The following PRH1 variants were observed in gnomAD, a reference collection of about 807,000 sequenced individuals.
The protein encoded by PRH1 is salivary acidic proline-rich phosphoprotein 1/2.
Under a neutral mutation model 7.9 loss-of-function variants are expected in PRH1, and 7 were observed. The ratio of observed to expected loss-of-function variants is 0.89; its 90% confidence interval spans 0.50 to 1.67. PRH1 has a LOEUF of 1.67. Ranked by LOEUF, PRH1 falls within the 40% of genes most tolerant of loss-of-function variation. The pLI, the probability that PRH1 is intolerant of heterozygous loss-of-function variation, is 0.00. For missense variants in PRH1, 109 were observed against 223.6 expected, an observed-to-expected ratio of 0.49 and a Z score of 3.27; for synonymous variants, 45 against 80.8, an observed-to-expected ratio of 0.56 and a Z score of 2.38.
intron 2 of PRH1, among the ~76,000 whole-genome samples, chr12:10,962,832 C>G (rs1401834165): frequency 6.6e-6 from 1 of 152,184 alleles, no homozygotes; most frequent in Non-Finnish European, 1.5e-5. Context: ...TGCAGTGGCG[C>G]GATCTCGGCT....
chr12:10,980,081 C>A (rs1246259302), intron 1 of PRH1, among the ~76,000 whole-genome samples: 1 of 152,112 alleles, frequency 6.6e-6, no homozygotes, highest in East Asian at 1.9e-4. Flanking sequence ...CATCAGCACA[C>A]AGAAAGTAAG....
intron 2 of PRH1, among the ~76,000 whole-genome samples, chr12:10,955,234 T>C (rs1937894856): frequency 6.6e-6 from 1 of 152,078 alleles, no homozygotes; most frequent in Admixed American, 6.5e-5. Context: ...CCAACCACAT[T>C]CTTGGACCAC....
chr12:10,901,548 G>T (rs766348164), intron 2 of PRH1, among the ~76,000 whole-genome samples: 1 of 152,136 alleles, frequency 6.6e-6, no homozygotes, highest in Non-Finnish European at 1.5e-5. Context: ...TGAGCAGGGA[G>T]TTCACACCAC....
chr12:11,050,538 A>G (rs957105864), upstream of PRH1, among the ~76,000 whole-genome samples: 1 of 152,210 alleles, frequency 6.6e-6, no homozygotes, highest in African/African-American at 2.4e-5. Context: ...ATTTATGGCC[A>G]GTTTACTGGG....
At chr12:11,004,663 G>T (rs1258641159) in intron 1 of PRH1, among the ~76,000 whole-genome samples, 2 of 151,602 alleles carry the variant, frequency 1.3e-5, no homozygotes, top group Non-Finnish European at 2.9e-5. Flanking sequence ...ACATTTATTT[G>T]TTCATATTTC....
At chr12:10,908,675 A>G in intron 2 of PRH1, 1 of 1,613,920 alleles carries the variant, frequency 6.2e-7, no homozygotes, top group Non-Finnish European at 8.5e-7. Flanking sequence ...TTTTCTGGAG[A>G]TGTTTCTGCA....
intron 1 of PRH1, among the ~76,000 whole-genome samples, chr12:11,066,991 T>C (rs1366873309): frequency 4.6e-5 from 7 of 152,204 alleles, no homozygotes; most frequent in Admixed American, 4.6e-4. Context: ...AAAAATACTC[T>C]CTGCAATAAT....
chr12:11,165,033 A>C (rs1947529654), intron 1 of PRH1, among the ~76,000 whole-genome samples: 1 of 151,998 alleles, frequency 6.6e-6, no homozygotes, highest in Non-Finnish European at 1.5e-5. Flanking sequence ...CCTTTCTTTC[A>C]CTTGGTAGAA....
At chr12:10,951,060 T>G (rs1950562614) in intron 2 of PRH1, among the ~76,000 whole-genome samples, 1 of 152,184 alleles carries the variant, frequency 6.6e-6, no homozygotes. Flanking sequence ...TAGGGCATAC[T>G]AATGGATGAG....
At chr12:10,941,223 A>G (rs1213525660) in intron 2 of PRH1, among the ~76,000 whole-genome samples, 1 of 152,092 alleles carries the variant, frequency 6.6e-6, no homozygotes, top group Non-Finnish European at 1.5e-5. Context: ...AGCTACAATA[A>G]CCCCAGAGGG....
intron 2 of PRH1, among the ~76,000 whole-genome samples, chr12:10,924,274 A>G (rs202130027): frequency 6.6e-6 from 1 of 152,202 alleles, no homozygotes; most frequent in East Asian, 1.9e-4. Flanking sequence ...GGCGTGAGAC[A>G]CGGAGCCCAG....
intron 2 of PRH1, among the ~76,000 whole-genome samples, chr12:10,916,989 T>G (rs946514066): frequency 6.6e-6 from 1 of 152,132 alleles, no homozygotes; most frequent in Non-Finnish European, 1.5e-5. Context: ...GATGGAAGGA[T>G]TGCTTGAGCC....
At chr12:10,944,247 T>C (rs1950449764) in intron 2 of PRH1, among the ~76,000 whole-genome samples, 1 of 152,224 alleles carries the variant, frequency 6.6e-6, no homozygotes, top group Admixed American at 6.5e-5. Flanking sequence ...TCTTCTCTGA[T>C]CTTTTTGGGA....
chr12:10,979,824 G>A (rs1221165330), intron 1 of PRH1, among the ~76,000 whole-genome samples: 1 of 152,170 alleles, frequency 6.6e-6, no homozygotes, highest in Admixed American at 6.6e-5. Flanking sequence ...GATGAGATGT[G>A]AAGGAGAGAA....
intron 1 of PRH1, among the ~76,000 whole-genome samples, chr12:11,007,801 C>T (rs2136034440): frequency 6.6e-6 from 1 of 152,208 alleles, no homozygotes; most frequent in Admixed American, 6.6e-5. Context: ...TCACCCCCTC[C>T]AGATGTAGCC....
intron 1 of PRH1, among the ~76,000 whole-genome samples, chr12:11,156,201 C>G (rs905069339): frequency 6.6e-6 from 1 of 152,160 alleles, no homozygotes; most frequent in South Asian, 2.1e-4. Context: ...ACATTGAATT[C>G]TAGCTTCCAT....
At chr12:11,001,033 A>G (rs1418859885) in intron 1 of PRH1, among the ~76,000 whole-genome samples, 1 of 152,130 alleles carries the variant, frequency 6.6e-6, no homozygotes, top group Non-Finnish European at 1.5e-5. Context: ...TATGCTTGAC[A>G]TGAAAATGCT....
intron 1 of PRH1, among the ~76,000 whole-genome samples, chr12:11,100,962 C>A (rs1945223209): frequency 6.6e-6 from 1 of 152,080 alleles, no homozygotes; most frequent in African/African-American, 2.4e-5. Context: ...TTTAGAGACA[C>A]ATTTTTAATA....
intron 2 of PRH1, among the ~76,000 whole-genome samples, chr12:10,927,015 T>C (rs1463914238): frequency 6.6e-6 from 1 of 152,172 alleles, no homozygotes; most frequent in Non-Finnish European, 1.5e-5. Flanking sequence ...CCCTTTCAGC[T>C]CTTCCATCAC....
Sources: gnomAD v4.1 joint callset for allele counts (sites outside exome capture counted in the v4.1 genomes callset) on GRCh38, gnomAD v4.1.1 for gene constraint, MANE v1.5 for transcripts, NCBI Gene and HGNC (gene_info 2026-07-23, HGNC 2026-07-21) for gene names.